TMEM67: variants seen among roughly 807,000 people sequenced by gnomAD.
The protein encoded by TMEM67 is transmembrane protein 67.
In TMEM67, 124 loss-of-function variants were observed where a neutral mutation model predicts 136.6. That is an observed-to-expected ratio of 0.91 (90% CI 0.78 to 1.05). The LOEUF (loss-of-function observed/expected upper bound fraction) is 1.05, where lower values mean the gene tolerates loss of function less well. Ranked by LOEUF, TMEM67 falls within the 50% of genes least tolerant of loss-of-function variation. The probability of loss-of-function intolerance (pLI) is 0.00; values close to 1 mark genes in which losing one functional copy is unlikely to be tolerated. For missense variants in TMEM67, 1,107 were observed against 1,178.4 expected, an observed-to-expected ratio of 0.94 and a Z score of 0.89; for synonymous variants, 364 against 390.5, an observed-to-expected ratio of 0.93 and a Z score of 0.80.
intron 9 of TMEM67, 127 bp from the exon 10 acceptor site, chr8:93,781,531 C>T (rs1225989821): frequency 1.9e-6 from 1 of 528,438 alleles, no homozygotes; most frequent in Non-Finnish European, 3.4e-6. Context: ...TTAATTGAAC[C>T]TCAAAATAAA....
Position 93,799,627 on chromosome 8 carries a change from T to A in TMEM67, c.2110T>A (p.Phe704Ile). 6.2e-7 allele frequency: 1 copy of A among 1,613,954 alleles called. No individual in the cohort carries two copies. Residue 704 changes from phenylalanine (F) to isoleucine (I), a missense_variant, in exon 21 of 28, where the codon TTC (phenylalanine) becomes ATC (isoleucine). Physicochemically the swap from Phe to Ile is conservative, Grantham distance 21 (BLOSUM62 0). Around this residue, in one of 3 missense-constraint regions of TMEM67, gnomAD observed 925 missense variants for 1,002.4 expected, o/e 0.92. Coordinates refer to ENST00000453321, the MANE Select transcript of TMEM67 (RefSeq NM_153704.6). ...TTCCTTTTTACTCCAGGTTGTGGGA[T>A]TCAAGAACTTAGCATTAATGGACTC... is the stretch of plus-strand genomic sequence containing the variant. ...TVLFFLEVVG[F>I]KNLALMDSSS...
chr8:93,788,242 C>T (rs1406083876), intron 14 of TMEM67, among the ~76,000 whole-genome samples: 2 of 152,106 alleles, frequency 1.3e-5, no homozygotes, highest in African/African-American at 4.8e-5. Context: ...AATGTCTGCT[C>T]CTGTTCTTTT....
intron 6 of TMEM67, among the ~76,000 whole-genome samples, chr8:93,767,882 T>G (rs1345496331): frequency 2.3e-5 from 2 of 88,764 alleles, no homozygotes; most frequent in East Asian, 8.1e-4. Flanking sequence ...TTTTTTTTTT[T>G]GAGACGGAGT....
chr8:93,770,689 C>T (rs1813290619), intron 6 of TMEM67, among the ~76,000 whole-genome samples: 1 of 152,116 alleles, frequency 6.6e-6, no homozygotes, highest in Non-Finnish European at 1.5e-5. Context: ...TATGTAATGT[C>T]TGTCAGGTTG....
At chr8:93,764,487 G>T (rs1033582193) in intron 4 of TMEM67, among the ~76,000 whole-genome samples, 1 of 107,608 alleles carries the variant, frequency 9.3e-6, no homozygotes, top group Non-Finnish European at 1.9e-5. Flanking sequence ...CCCCCTTTGT[G>T]CATGTATTTG....
chr8:93,799,886 A>C, intron 21 of TMEM67, 128 bp downstream of exon 21: 1 of 777,446 alleles, frequency 1.3e-6, no homozygotes, highest in Non-Finnish European at 2.1e-6. Flanking sequence ...TGACAAGAAC[A>C]ATAGCTAATG....
At position 93,816,649 on chromosome 8, in the gene TMEM67, T is replaced by C. The variant is rs977521547; in HGVS notation, c.*197T>C. The C allele has an allele frequency of 1.2e-5, 5 of 422,622 alleles. No homozygotes were observed. In the East Asian group the frequency reaches 1.9e-4, roughly 16 times the overall value. The allele number at this position is 422,622 out of a possible 1,614,324, so 26.2% of individuals were successfully genotyped here. ...TAGAAAATACTGTTTTCCCATTGTG[T>C]GTAGTATTTAATGCAGTAAATAATA... On this transcript the variant is annotated 3_prime_UTR_variant, in exon 28 of 28. Coordinates refer to ENST00000453321, the MANE Select transcript of TMEM67 (RefSeq NM_153704.6).
At chr8:93,824,767 G>A in the TMEM67 span, among the ~76,000 whole-genome samples, 1 of 152,148 alleles carries the variant, frequency 6.6e-6, no homozygotes, top group Non-Finnish European at 1.5e-5. Flanking sequence ...CCAGGCTGGA[G>A]TGCAGTGGCA....
At position 93,806,501 on chromosome 8, in the gene TMEM67, T is replaced by C. The variant is rs529327339; in HGVS notation, c.2439+1623T>C. Reference sequence around the variant, plus strand: ...AACAAAATTGATAAAATATTAGTAATTGCTGAAGCTAGGTAATGAGTAGTT... The same window carrying C: ...AACAAAATTGATAAAATATTAGTAACTGCTGAAGCTAGGTAATGAGTAGTT... On this transcript the variant is annotated intron_variant, in intron 23 of 27. Coordinates refer to ENST00000453321, the MANE Select transcript of TMEM67 (RefSeq NM_153704.6). 1.2e-4 allele frequency among the ~76,000 whole-genome samples: 19 copies of C among 152,266 alleles called. No individual in the cohort carries two copies. The South Asian group carries it at 3.9e-3, about 32-fold the overall frequency.
intron 20 of TMEM67, among the ~76,000 whole-genome samples, chr8:93,798,904 T>A (rs1586073360): frequency 1.3e-5 from 2 of 151,938 alleles, no homozygotes; most frequent in East Asian, 3.8e-4. Context: ...CAAGCTAGTT[T>A]ATCTGTTACC....
At chr8:93,772,721 TAA>T in intron 7 of TMEM67, 70 bp downstream of exon 7, 1 of 1,229,504 alleles carries the variant, frequency 8.1e-7, no homozygotes, top group Non-Finnish European at 1.2e-6. Flanking sequence ...ACCCAGATAA[TAA>T]AAGTTTTATT....
chr8:93,787,793 T>C, intron 13 of TMEM67, 51 bp from the exon 14 acceptor site: 1 of 1,379,916 alleles, frequency 7.2e-7, no homozygotes, highest in Middle Eastern at 1.8e-4. Flanking sequence ...TAAATGTATG[T>C]TTAAAGGCCC....
At chr8:93,803,879 ATT>A (rs377147074) in intron 22 of TMEM67, among the ~76,000 whole-genome samples, 195 bp downstream of exon 22, 8 of 139,038 alleles carry the variant, frequency 5.8e-5, no homozygotes, top group Non-Finnish European at 7.9e-5. Flanking sequence ...TCATTTTTTC[ATT>A]TTTTTTTTTT....
chr8:93,798,487 A>C (rs1814719165), intron 20 of TMEM67, among the ~76,000 whole-genome samples: 1 of 152,240 alleles, frequency 6.6e-6, no homozygotes, highest in Non-Finnish European at 1.5e-5. Flanking sequence ...CATGTTTGTG[A>C]TACATATGCA....
At chr8:93,794,369 T>C (rs1186937606) in intron 16 of TMEM67, among the ~76,000 whole-genome samples, 1 of 152,222 alleles carries the variant, frequency 6.6e-6, no homozygotes, top group Non-Finnish European at 1.5e-5. Context: ...TATTAAACAT[T>C]TAAAAAATAT....
At chr8:93,819,062 A>G (rs1272665171), downstream of TMEM67, 3 of 450,808 alleles carry the variant, frequency 6.7e-6, no homozygotes, top group Admixed American at 7.2e-5. Flanking sequence ...CTCGGCCTCC[A>G]AAAGTGCTGG....
At chr8:93,755,662 A>T in intron 1 of TMEM67, 116 bp from the exon 2 acceptor site, 1 of 710,604 alleles carries the variant, frequency 1.4e-6, no homozygotes, top group Non-Finnish European at 2.4e-6. Context: ...TCCTGCTGTT[A>T]ATCACTATAC....
intron 13 of TMEM67, among the ~76,000 whole-genome samples, chr8:93,787,626 C>T (rs1327131577): frequency 6.6e-6 from 1 of 152,190 alleles, no homozygotes; most frequent in Non-Finnish European, 1.5e-5. Context: ...TTTAATCTTA[C>T]ACCATCAGAT....
chr8:93,809,224 G>A, intron 25 of TMEM67, 63 bp downstream of exon 25: 3 of 964,448 alleles, frequency 3.1e-6, no homozygotes, highest in South Asian at 2.6e-5. Context: ...AGTTAAGTGG[G>A]AATGTCAATT....
Sources: gnomAD v4.1 joint callset for allele counts (sites outside exome capture counted in the v4.1 genomes callset) on GRCh38, gnomAD v4.1.1 for gene constraint, gnomAD v4.1.1 regional missense constraint, MANE v1.5 for transcripts, NCBI Gene and HGNC (gene_info 2026-07-23, HGNC 2026-07-21) for gene names.